Variants in MYRFL observed in about 807,000 individuals in gnomAD.
The protein encoded by MYRFL is myelin regulatory factor like, also known as myelin regulatory factor-like protein.
Under a neutral mutation model 109.4 loss-of-function variants are expected in MYRFL, and 88 were observed. That is an observed-to-expected ratio of 0.80 (90% CI 0.68 to 0.96). MYRFL has a LOEUF of 0.96. MYRFL is among the 40% of genes least tolerant of loss of function. The probability of loss-of-function intolerance (pLI) is 0.00; values close to 1 mark genes in which losing one functional copy is unlikely to be tolerated. For missense variants in MYRFL, 957 were observed against 954.9 expected, an observed-to-expected ratio of 1.00 and a Z score of -0.03; for synonymous variants, 324 against 320.9, an observed-to-expected ratio of 1.01 and a Z score of -0.10.
At chr12:69,904,194 T>G in intron 11 of MYRFL, 1 of 198,340 alleles carries the variant, frequency 5.0e-6, no homozygotes, top group Non-Finnish European at 1.0e-5. Context: ...TCCCCACTCA[T>G]CTTCCAAGCA....
At chr12:69,930,838 G>A (rs1044435933) in intron 15 of MYRFL, among the ~76,000 whole-genome samples, 6 of 148,870 alleles carry the variant, frequency 4.0e-5, no homozygotes, top group African/African-American at 1.5e-4. Context: ...AAAAGAACAC[G>A]GATAAATACT....
intron 19 of MYRFL, among the ~76,000 whole-genome samples, chr12:69,940,113 G>A (rs1387780268): frequency 6.6e-6 from 1 of 151,910 alleles, no homozygotes; most frequent in Non-Finnish European, 1.5e-5. Context: ...ATGGAACCAA[G>A]TTGGAAAACA....
At position 69,955,453 on chromosome 12, in the gene MYRFL, T is replaced by TA. The variant is rs1489793838; in HGVS notation, c.2450+22dup. On this transcript the variant is annotated intron_variant, in intron 22 of 24. Transcript: ENST00000552032. ...TGGAAATAAAGTAAGTGCATGGCTGTAAAAAACAATTTCATTTTTATCATT... is the reference window on the plus strand; with the variant it reads ...TGGAAATAAAGTAAGTGCATGGCTGTAAAAAAACAATTTCATTTTTATCATT... 8.6e-6 allele frequency: 5 copies of TA among 581,946 alleles called. No individual in the cohort carries two copies. Among genetic ancestry groups the TA allele is most frequent in the South Asian group, 4.5e-5 (2 of 44,408 alleles). The allele number at this position is 581,946 out of a possible 1,614,324, so 36.0% of individuals were successfully genotyped here.
Position 69,943,269 on chromosome 12 carries a change from C to G in MYRFL, c.2224+6637C>G, listed in dbSNP as rs372235356. Among the ~76,000 whole-genome samples, 30 of 151,156 alleles carry G rather than the reference C, an allele frequency of 2.0e-4. No homozygotes were observed. In the East Asian group the frequency reaches 5.0e-3, roughly 25 times the overall value. On this transcript the variant is annotated intron_variant, in intron 19 of 24. Transcript: ENST00000552032. ...AACAAAGCTGGAGGCATCACACTAC[C>G]TGACTTCAAACTATACTACAAGGCT...
chr12:69,906,399 G>A (rs1954361060), intron 11 of MYRFL, among the ~76,000 whole-genome samples: 1 of 152,062 alleles, frequency 6.6e-6, no homozygotes, highest in Non-Finnish European at 1.5e-5. Flanking sequence ...CTCTGACGGT[G>A]GAAACTGAGC....
intron 2 of MYRFL, among the ~76,000 whole-genome samples, chr12:69,859,994 A>G (rs1884540363): frequency 1.3e-5 from 2 of 152,064 alleles, no homozygotes; most frequent in South Asian, 4.1e-4. Context: ...GACTTGTTAC[A>G]TAGATAAACG....
chr12:69,861,580 C>T (rs1391756610), intron 2 of MYRFL, among the ~76,000 whole-genome samples: 1 of 152,266 alleles, frequency 6.6e-6, no homozygotes, highest in Non-Finnish European at 1.5e-5. Context: ...CCTTTGCCCA[C>T]TTTTTGATGG....
intron 2 of MYRFL, among the ~76,000 whole-genome samples, chr12:69,858,319 T>A (rs979664943): frequency 1.1e-4 from 17 of 151,952 alleles, no homozygotes; most frequent in Admixed American, 2.6e-4. Context: ...TGTTTTTTTA[T>A]ATTTTATTTT....
At chr12:69,825,843 G>C (rs1411648726) in intron 1 of MYRFL, among the ~76,000 whole-genome samples, 3 of 151,958 alleles carry the variant, frequency 2.0e-5, no homozygotes, top group Admixed American at 6.6e-5. Flanking sequence ...TCCCTGTCCT[G>C]TACTAGATTT....
chr12:69,883,152 G>T (rs1172907957), intron 5 of MYRFL, among the ~76,000 whole-genome samples: 1 of 152,190 alleles, frequency 6.6e-6, no homozygotes, highest in South Asian at 2.1e-4. Context: ...AAGCGAAGAG[G>T]AAGATTTGAA....
At chr12:69,884,309 A>AGGTGTGTGCCTTGGGTTTC (rs1196056742) in intron 5 of MYRFL, among the ~76,000 whole-genome samples, 2 of 152,236 alleles carry the variant, frequency 1.3e-5, no homozygotes, top group African/African-American at 4.8e-5. Context: ...CACTAGGCTC[A>AGGTGTGTGCCTTGGGTTTC]GGTGTGTGCC....
intron 22 of MYRFL, among the ~76,000 whole-genome samples, chr12:69,957,580 G>C (rs937707083): frequency 1.3e-5 from 2 of 151,964 alleles, no homozygotes; most frequent in African/African-American, 4.8e-5. Flanking sequence ...AGAAAAGAAA[G>C]AAAAAAAGAA....
Position 69,910,092 on chromosome 12 carries a change from TCC to T in MYRFL, c.1492+18_1492+19del. ...CCATCAAACAGGTACACACACAAATTCCCCTTTTAATTTTGTATTGCCAACTA... is the reference window on the plus strand; with the variant it reads ...CCATCAAACAGGTACACACACAAATTCCTTTTAATTTTGTATTGCCAACTA... On this transcript the variant is annotated intron_variant, in intron 12 of 24. Coordinates refer to ENST00000552032, the MANE Select transcript of MYRFL (RefSeq NM_182530.3). 1 of 1,473,010 alleles carries T rather than the reference TCC, an allele frequency of 6.8e-7. No individual in the cohort carries two copies. The highest frequency in any genetic ancestry group is 1.4e-5 in the African/African-American group (1 of 70,398). 91.2% of individuals were successfully genotyped at this position (1,473,010 alleles called of 1,614,324 possible). A position where few individuals can be genotyped will look rare whatever the true frequency, so the allele number is the denominator to read the frequency against.
intron 2 of MYRFL, among the ~76,000 whole-genome samples, chr12:69,873,217 T>C (rs1032128849): frequency 1.3e-5 from 2 of 152,050 alleles, no homozygotes; most frequent in Non-Finnish European, 2.9e-5. Context: ...ACATGTAAAA[T>C]ACACGAAGAT....
At chr12:69,862,642 A>T (rs1379576892) in intron 2 of MYRFL, among the ~76,000 whole-genome samples, 2 of 151,430 alleles carry the variant, frequency 1.3e-5, no homozygotes, top group African/African-American at 4.9e-5. Context: ...GCTTAAGGAG[A>T]TTTTGGGCTG....
intron 5 of MYRFL, among the ~76,000 whole-genome samples, chr12:69,886,611 A>AC (rs1469900613): frequency 6.6e-6 from 1 of 151,896 alleles, no homozygotes; most frequent in Non-Finnish European, 1.5e-5. Flanking sequence ...ACAGGTGTTT[A>AC]CCCCCCACCC....
intron 6 of MYRFL, among the ~76,000 whole-genome samples, chr12:69,890,197 G>A (rs73132019): frequency 0.051 from 7,761 of 152,226 alleles, 285 homozygotes; most frequent in Non-Finnish European, 0.074. Flanking sequence ...TCAATAGGCT[G>A]AATATTCTTT....
At chr12:69,850,579 T>A in intron 1 of MYRFL, among the ~76,000 whole-genome samples, 1 of 152,160 alleles carries the variant, frequency 6.6e-6, no homozygotes, top group Non-Finnish European at 1.5e-5. Context: ...CAGGTTTAGG[T>A]AGTAAAGACG....
At chr12:69,932,683 C>A in intron 16 of MYRFL, 85 bp downstream of exon 16, 2 of 1,001,480 alleles carry the variant, frequency 2.0e-6, no homozygotes, top group African/African-American at 1.6e-5. Flanking sequence ...TGGGGACTGG[C>A]CTGTTTACTT....
Sources: gnomAD v4.1 joint callset for allele counts (sites outside exome capture counted in the v4.1 genomes callset) on GRCh38, gnomAD v4.1.1 for gene constraint, MANE v1.5 for transcripts, NCBI Gene and HGNC (gene_info 2026-07-23, HGNC 2026-07-21) for gene names.